MRPL39: variants seen among roughly 807,000 people sequenced by gnomAD.
MRPL39 encodes the protein large ribosomal subunit protein mL39.
In MRPL39, 35 loss-of-function variants were observed where a neutral mutation model predicts 44.5. The observed-to-expected ratio is 0.79, with a 90% CI of 0.60 to 1.04. The LOEUF (loss-of-function observed/expected upper bound fraction) is 1.04, where lower values mean the gene tolerates loss of function less well. MRPL39 is among the 50% of genes least tolerant of loss of function. MRPL39 has a pLI of 0.00. For missense variants in MRPL39, 433 were observed against 413.5 expected (o/e 1.05, Z -0.41); for synonymous variants, 139 against 136.1 (o/e 1.02, Z -0.15).
Position 25,607,374 on chromosome 21 carries a change from T to C in MRPL39, c.73+29A>G, listed in dbSNP as rs751070805. 106 of 1,613,070 alleles carry C rather than the reference T, an allele frequency of 6.6e-5. 3 individuals carry two copies. The South Asian group carries it at 1.2e-3, about 18-fold the overall frequency. On this transcript the variant is annotated intron_variant, in intron 1 of 9. Transcript: ENST00000352957. ...ACAGACACCACTATCTAGGCCTCGC[T>C]CCCTGTCCCTACGGCCTCTGAAACT...
upstream of MRPL39, among the ~76,000 whole-genome samples, chr21:25,607,681 A>T (rs2031738674): frequency 6.6e-6 from 1 of 151,814 alleles, no homozygotes; most frequent in Non-Finnish European, 1.5e-5. Flanking sequence ...TGTGCTCGAT[A>T]CCTGGGCGCG....
At chr21:25,593,850 G>A (rs745858491) in intron 7 of MRPL39, 43 bp downstream of exon 7, 2 of 1,524,310 alleles carry the variant, frequency 1.3e-6, no homozygotes, top group Non-Finnish European at 1.8e-6. Context: ...ATAAAGCTAA[G>A]CCTTACTCTA....
intron 9 of MRPL39, among the ~76,000 whole-genome samples, chr21:25,587,177 A>T (rs771259866): frequency 3.9e-5 from 6 of 152,298 alleles, no homozygotes; most frequent in Non-Finnish European, 8.8e-5. Context: ...TACATTTTTC[A>T]TTCCTTTAAA....
intron 8 of MRPL39, among the ~76,000 whole-genome samples, chr21:25,589,114 A>T (rs2031094265): frequency 6.6e-6 from 1 of 152,194 alleles, no homozygotes; most frequent in African/African-American, 2.4e-5. Context: ...TGCAGTGAGC[A>T]TTTAAGAAAA....
intron 4 of MRPL39, 62 bp from the exon 5 acceptor site, chr21:25,599,928 T>G: frequency 8.2e-7 from 1 of 1,226,124 alleles, no homozygotes. Flanking sequence ...GTTACTAATT[T>G]GCAACAACTG....
chr21:25,599,672 A>G (rs1390807012), intron 5 of MRPL39, 127 bp downstream of exon 5: 1 of 760,130 alleles, frequency 1.3e-6, no homozygotes. Context: ...ATAGATACAT[A>G]GATAGATACA....
rs373007249 is a variant in MRPL39 at position 25,592,872 on chromosome 21, T to C, written c.861A>G (p.Gln287=). Residue 287 remains glutamine, a synonymous_variant, in exon 8 of 10, where the codon CAA becomes CAG. Coordinates refer to ENST00000352957, the MANE Select transcript of MRPL39 (RefSeq NM_017446.4). ...QYEVSAVHNL[Q]PTQPSLIRRF... ...TTCGTATGAGACTTGGCTGGGTGGG[T>C]TGAAGATTGTGAACTGCTGATACTT... The C allele has an allele frequency of 1.8e-5, 29 of 1,613,150 alleles. No individual in the cohort carries two copies. The highest frequency in any genetic ancestry group is 9.3e-5 in the African/African-American group (7 of 74,900).
intron 9 of MRPL39, among the ~76,000 whole-genome samples, chr21:25,587,462 T>A (rs1353040530): frequency 2.0e-5 from 3 of 152,226 alleles, no homozygotes; most frequent in African/African-American, 7.2e-5. Flanking sequence ...ATCTACATAG[T>A]CATTAATAAA....
rs778553343 is a variant in MRPL39, at chr21:25,587,768, G to C, written c.969+1067C>G. ...GTGAAGAATGACTGCGTAGTAAATA[G>C]AAGGAGAATGGGAAATGGAGTCTAG... On this transcript the variant is annotated intron_variant, in intron 9 of 9. Transcript: ENST00000352957. 8.7e-6 allele frequency: 14 copies of C among 1,612,854 alleles called. No individual in the cohort carries two copies. In the African/African-American group the frequency reaches 1.9e-4, roughly 22 times the overall value.
At chr21:25,604,087 T>TAA (rs11303574) in intron 2 of MRPL39, 152 bp from the exon 3 acceptor site, 71 of 578,904 alleles carry the variant, frequency 1.2e-4, no homozygotes, top group South Asian at 2.5e-4. Flanking sequence ...TATAATCAAT[T>TAA]AAAAAAAAAA....
Position 25,597,347 on chromosome 21 carries a change from A to T in MRPL39, c.656T>A (p.Leu219Gln), listed in dbSNP as rs772571762. ...CAATGCCACTTTTGCTTCAACTTCC[A>T]GAGTTTCAAATGGAAGATCTTTATA... ...LIYKDLPFET[L>Q]EVEAKVALEI... is the part of the protein sequence containing the mutation. Residue 219 changes from leucine to glutamine, a missense_variant, in exon 6 of 10, where the codon CTG (leucine) becomes CAG (glutamine). Transcript: ENST00000352957. 49 of 1,603,782 alleles carry T rather than the reference A, an allele frequency of 3.1e-5. No individual in the cohort carries two copies. Among genetic ancestry groups the T allele is most frequent in the Admixed American group, 6.7e-5 (4 of 59,396 alleles).
chr21:25,592,558 TACCCTC>T (rs1325366709), intron 8 of MRPL39, among the ~76,000 whole-genome samples: 1 of 152,150 alleles, frequency 6.6e-6, no homozygotes, highest in Non-Finnish European at 1.5e-5. Context: ...TCTGTCAATG[TACCCTC>T]ACCTATGCTA....
At chr21:25,601,630 C>T (rs991141485) in intron 3 of MRPL39, among the ~76,000 whole-genome samples, 163 bp from the exon 4 acceptor site, 31 of 152,044 alleles carry the variant, frequency 2.0e-4, no homozygotes, top group Non-Finnish European at 4.0e-4. Flanking sequence ...ATGACGTTAC[C>T]TCGACCAAGC....
chr21:25,592,740 C>A (rs1601372040), intron 8 of MRPL39, 72 bp downstream of exon 8: 2 of 1,128,836 alleles, frequency 1.8e-6, no homozygotes, highest in Non-Finnish European at 2.4e-6. Context: ...ATTCTTCAAA[C>A]TGGTATAAAA....
chr21:25,606,668 TACA>T lies in MRPL39; in HGVS notation c.74-16_74-14del. ...GTTGCTATAAATCCTGTGGAGAAGT[TACA>T]ATAAATATGAAGACTGAAAAAATGA... On this transcript the variant is annotated splice_polypyrimidine_tract_variant and intron_variant, in intron 1 of 9. Coordinates refer to ENST00000352957, the MANE Select transcript of MRPL39 (RefSeq NM_017446.4). 6.3e-7 allele frequency: 1 copy of T among 1,592,562 alleles called. No individual in the cohort carries two copies. The highest frequency in any genetic ancestry group is 1.1e-5 in the South Asian group (1 of 89,752).
intron 1 of MRPL39, 32 bp from the exon 2 acceptor site, chr21:25,606,687 G>GA (rs1320364907): frequency 6.5e-7 from 1 of 1,546,018 alleles, no homozygotes; most frequent in Non-Finnish European, 8.9e-7. Context: ...TATGAAGACT[G>GA]AAAAAATGAT....
intron 2 of MRPL39, 142 bp downstream of exon 2, chr21:25,606,307 G>A (rs969267127): frequency 1.5e-6 from 1 of 657,674 alleles, no homozygotes; most frequent in Middle Eastern, 3.4e-4. Flanking sequence ...CACCATGCAG[G>A]TCTCAAGAAA....
chr21:25,597,207 G>T, intron 6 of MRPL39, 95 bp downstream of exon 6: 1 of 742,898 alleles, frequency 1.3e-6, no homozygotes, highest in Non-Finnish European at 2.3e-6. Flanking sequence ...ACTGTCACAT[G>T]TATATCAAAT....
intron 6 of MRPL39, 139 bp downstream of exon 6, chr21:25,597,163 G>C: frequency 1.7e-6 from 1 of 588,804 alleles, no homozygotes. Flanking sequence ...CGAAATAAAT[G>C]AGATCACAGA....
Sources: allele counts gnomAD v4.1 joint callset (sites outside exome capture counted in the v4.1 genomes callset), GRCh38; gene constraint gnomAD v4.1.1; transcripts MANE v1.5; gene names NCBI Gene and HGNC (gene_info 2026-07-23, HGNC 2026-07-21).